Variants in LRRC4C observed in about 807,000 individuals in gnomAD.
The protein encoded by LRRC4C is leucine-rich repeat-containing protein 4C.
A neutral mutation model predicts 33.6 loss-of-function variants in LRRC4C; 5 were observed. The observed-to-expected ratio is 0.15, with a 90% confidence interval of 0.08 to 0.31. LRRC4C has a LOEUF of 0.31. Among genes scored for constraint, LRRC4C ranks in the 10% least tolerant of loss-of-function variants. The probability of loss-of-function intolerance (pLI) is 1.00; values close to 1 mark genes in which losing one functional copy is unlikely to be tolerated. For synonymous variants in LRRC4C, 329 were observed against 302.0 expected (o/e 1.09, Z -0.93); for missense variants, 560 against 796.7 (o/e 0.70, Z 3.58).
chr11:40,211,866 T>C (rs1665599593), intron 5 of LRRC4C, among the ~76,000 whole-genome samples: 1 of 152,172 alleles, frequency 6.6e-6, no homozygotes, highest in African/African-American at 2.4e-5. Flanking sequence ...TCACTGTGGA[T>C]CATGTTTTTA....
intron 1 of LRRC4C, among the ~76,000 whole-genome samples, chr11:41,039,068 T>G (rs1409339647): frequency 1.3e-5 from 2 of 152,220 alleles, no homozygotes; most frequent in East Asian, 1.9e-4. Context: ...GTTTGAGATC[T>G]TACATTTAAA....
At chr11:41,113,111 G>GCAAAT (rs1941936078) in intron 1 of LRRC4C, among the ~76,000 whole-genome samples, 2 of 152,010 alleles carry the variant, frequency 1.3e-5, no homozygotes, top group African/African-American at 2.4e-5. Context: ...ATAAATGAAT[G>GCAAAT]TACATATTTG....
chr11:40,699,362 T>C (rs765545814), intron 2 of LRRC4C, among the ~76,000 whole-genome samples: 10 of 152,174 alleles, frequency 6.6e-5, no homozygotes, highest in Non-Finnish European at 5.9e-5. Context: ...AAAAAATCCC[T>C]TCATTAATAG....
intron 1 of LRRC4C, among the ~76,000 whole-genome samples, chr11:40,997,982 C>T (rs1192053388): frequency 1.3e-5 from 2 of 152,024 alleles, no homozygotes; most frequent in African/African-American, 2.4e-5. Flanking sequence ...ACCATGATGA[C>T]TGCTTTGAGA....
At chr11:40,409,931 TTCAAAACA>T (rs1408969363) in intron 3 of LRRC4C, among the ~76,000 whole-genome samples, 1 of 152,094 alleles carries the variant, frequency 6.6e-6, no homozygotes, top group Non-Finnish European at 1.5e-5. Flanking sequence ...GAATATATAT[TTCAAAACA>T]TCATTTTGTA....
At chr11:40,957,320 C>T (rs897414999) in intron 1 of LRRC4C, among the ~76,000 whole-genome samples, 1 of 151,682 alleles carries the variant, frequency 6.6e-6, no homozygotes, top group African/African-American at 2.4e-5. Context: ...TAAAACATTT[C>T]TGTGGCCACT....
At chr11:41,047,625 G>C (rs574573559) in intron 1 of LRRC4C, among the ~76,000 whole-genome samples, 1 of 152,224 alleles carries the variant, frequency 6.6e-6, no homozygotes, top group Non-Finnish European at 1.5e-5. Flanking sequence ...ACTGTTTCAA[G>C]CAGTGCTTTG....
At chr11:40,526,026 C>T (rs955660226) in intron 3 of LRRC4C, among the ~76,000 whole-genome samples, 1 of 151,738 alleles carries the variant, frequency 6.6e-6, no homozygotes, top group Non-Finnish European at 1.5e-5. Flanking sequence ...GTCAATAGGA[C>T]ATCCATATGA....
At chr11:40,702,403 C>T (rs1239392803) in intron 2 of LRRC4C, among the ~76,000 whole-genome samples, 1 of 152,074 alleles carries the variant, frequency 6.6e-6, no homozygotes, top group Non-Finnish European at 1.5e-5. Flanking sequence ...AGTTTGCCAC[C>T]TCTCTCCTTT....
intron 1 of LRRC4C, among the ~76,000 whole-genome samples, chr11:41,160,413 C>T (rs1944417766): frequency 6.6e-6 from 1 of 150,478 alleles, no homozygotes; most frequent in Non-Finnish European, 1.5e-5. Context: ...AAATATAGAA[C>T]ACATGGAAGT....
intron 5 of LRRC4C, among the ~76,000 whole-genome samples, chr11:40,148,778 T>C (rs1019266483): frequency 6.6e-6 from 1 of 152,202 alleles, no homozygotes; most frequent in African/African-American, 2.4e-5. Flanking sequence ...AGAATGGTAT[T>C]GCTTAGATTG....
chr11:40,864,060 A>ATATT (rs1245215126), intron 2 of LRRC4C, among the ~76,000 whole-genome samples: 2 of 151,680 alleles, frequency 1.3e-5, no homozygotes, highest in Non-Finnish European at 1.5e-5. Context: ...TTATTTATTT[A>ATATT]TATTTATTTA....
chr11:40,115,902 G>A lies in LRRC4C; in HGVS notation c.391C>T (p.Leu131Phe). The A allele has an allele frequency of 6.2e-7, 1 of 1,614,128 alleles. No homozygotes were observed. The highest frequency in any genetic ancestry group is 8.5e-7 in the Non-Finnish European group (1 of 1,180,004). ...ATGGTAGTAAGACGATTGTCAAAGA[G>A]TTCCAGAGTGTTGAGGTTCGCCAGA... ...NGLANLNTLELFDNRLTTIPN... is the reference protein window; with the variant it reads ...NGLANLNTLEFFDNRLTTIPN... The change falls in exon 7 of 7, where the codon CTC (leucine) becomes TTC (phenylalanine). Residue 131 changes from leucine (L) to phenylalanine (F), a missense_variant. Coordinates refer to ENST00000528697, the MANE Select transcript of LRRC4C (RefSeq NM_001258419.2). The surrounding 1 kb of genome is among the most constrained non-coding windows in gnomAD (Gnocchi z 6.7).
Position 40,633,393 on chromosome 11 carries a change from TTC to T in LRRC4C, c.-270+14747_-270+14748del, listed in dbSNP as rs1491378144. Among the ~76,000 whole-genome samples, 253 of 98,320 alleles carry T rather than the reference TTC, an allele frequency of 2.6e-3. 16 individuals carry two copies. Among genetic ancestry groups the T allele is most frequent in the African/African-American group, 9.3e-3 (234 of 25,162 alleles). The allele number at this position is 98,320 out of a possible 152,430, so 64.5% of individuals were successfully genotyped here. ...TCTTTCTCTCTCTTTCTTTCTTTCT[TTC>T]TTTTTTTTTTTTTGACAGAGTCTCA... On this transcript the variant is annotated intron_variant, in intron 3 of 6. Coordinates refer to ENST00000528697, the MANE Select transcript of LRRC4C (RefSeq NM_001258419.2).
intron 2 of LRRC4C, among the ~76,000 whole-genome samples, chr11:40,713,359 A>G (rs1946557420): frequency 1.3e-5 from 2 of 152,160 alleles, no homozygotes; most frequent in African/African-American, 4.8e-5. Context: ...GTACCTAGAA[A>G]TGTATTCCTA....
At chr11:40,516,855 C>G (rs1196585833) in intron 3 of LRRC4C, among the ~76,000 whole-genome samples, 3 of 152,096 alleles carry the variant, frequency 2.0e-5, no homozygotes, top group Non-Finnish European at 4.4e-5. Context: ...AATCTTGTTT[C>G]TAACTCAGAG....
At chr11:40,866,300 T>A (rs1455943030) in intron 2 of LRRC4C, among the ~76,000 whole-genome samples, 1 of 152,170 alleles carries the variant, frequency 6.6e-6, no homozygotes, top group African/African-American at 2.4e-5. Flanking sequence ...GATATTTCCT[T>A]TTAACAACCC....
rs138784150 is a variant in LRRC4C at position 41,067,095 on chromosome 11, C to T, written c.-495-133372G>A. ...TAACAGTACATGTAAATGGTTTTAA[C>T]GGCCCAATTAAAAGACAGAGACTGG... On this transcript the variant is annotated intron_variant, in intron 1 of 6. Coordinates refer to ENST00000528697, the MANE Select transcript of LRRC4C (RefSeq NM_001258419.2). Among the ~76,000 whole-genome samples the T allele has an allele frequency of 1.6e-4, 25 of 152,080 alleles. No homozygotes were observed. The East Asian group carries it at 3.3e-3, about 20-fold the overall frequency.
chr11:40,156,765 A>C (rs1335190942), intron 5 of LRRC4C, among the ~76,000 whole-genome samples: 1 of 152,208 alleles, frequency 6.6e-6, no homozygotes. Flanking sequence ...AAAATCATAG[A>C]TGACACAAAC....
Sources: allele counts gnomAD v4.1 joint callset (sites outside exome capture counted in the v4.1 genomes callset), GRCh38; gene constraint gnomAD v4.1.1; non-coding constraint Gnocchi (gnomAD v3.1); transcripts MANE v1.5; gene names NCBI Gene and HGNC (gene_info 2026-07-23, HGNC 2026-07-21).